IARS1: variants seen among roughly 807,000 people sequenced by gnomAD.
The protein encoded by IARS1 is isoleucine--tRNA ligase, cytoplasmic.
IARS1 carries 124 observed loss-of-function variants against 168.2 expected under a neutral mutation model. The ratio of observed to expected loss-of-function variants is 0.74; its 90% CI spans 0.64 to 0.86. The LOEUF is 0.86. Among genes scored for constraint, IARS1 ranks in the 40% least tolerant of loss-of-function variants. The probability of loss-of-function intolerance (pLI) is 0.00; values close to 1 mark genes in which losing one functional copy is unlikely to be tolerated. For synonymous variants in IARS1, 532 were observed against 529.4 expected (o/e 1.00, Z -0.07); for missense variants, 1,452 against 1,515.8 (o/e 0.96, Z 0.70).
chr9:92,245,682 T>C (rs1829081230), intron 26 of IARS1, among the ~76,000 whole-genome samples: 1 of 152,226 alleles, frequency 6.6e-6, no homozygotes, highest in Non-Finnish European at 1.5e-5. Flanking sequence ...TGTCTCTGTG[T>C]TCTGAAGATG....
At chr9:92,285,181 AC>A (rs1835242843) in intron 6 of IARS1, among the ~76,000 whole-genome samples, 1 of 152,230 alleles carries the variant, frequency 6.6e-6, no homozygotes, top group Admixed American at 6.5e-5. Context: ...CAGAAGACTT[AC>A]TAGTATATAA....
chr9:92,227,789 A>G (rs1360045641), intron 31 of IARS1, among the ~76,000 whole-genome samples: 1 of 149,716 alleles, frequency 6.7e-6, no homozygotes, highest in Non-Finnish European at 1.5e-5. Context: ...GCGGCCGGGA[A>G]GAGGCGCTCC....
In IARS1 at chr9:92,264,975, A is replaced by G; in HGVS notation, c.1654T>C (p.Phe552Leu). The change falls in exon 16 of 34, where the codon TTT becomes CTT. Residue 552 changes from phenylalanine (F) to leucine (L), a missense_variant. Physicochemically the swap from Phe to Leu is conservative, Grantham distance 22. Transcript: ENST00000443024. ...CCCTCGGCAATGAAATCTGCAGGAA[A>G]AGCATCCTCAAACTCCCTCTTGTTT... ...FENKREFEDA[F>L]PADFIAEGID... 6.2e-7 allele frequency: 1 copy of G among 1,614,178 alleles called. No individual in the cohort carries two copies. Among genetic ancestry groups the G allele is most frequent in the Non-Finnish European group, 8.5e-7 (1 of 1,180,018 alleles).
chr9:92,279,465 C>T (rs1193818795), intron 7 of IARS1, among the ~76,000 whole-genome samples: 2 of 152,190 alleles, frequency 1.3e-5, no homozygotes, highest in Admixed American at 1.3e-4. Flanking sequence ...CTGCAGACAC[C>T]TGAGCCAGGC....
intron 14 of IARS1, among the ~76,000 whole-genome samples, chr9:92,267,292 T>C (rs1832417873): frequency 6.6e-6 from 1 of 152,206 alleles, no homozygotes; most frequent in Non-Finnish European, 1.5e-5. Context: ...CTGCCCTTCC[T>C]GTTCAGTCCT....
chr9:92,242,286 T>C lies in IARS1; in HGVS notation c.3045A>G (p.Ala1015=), dbSNP rs754379616. The change falls in exon 29 of 34, where the codon GCA becomes GCG. Residue 1015 remains alanine (A), a synonymous_variant. Coordinates refer to ENST00000443024, the MANE Select transcript of IARS1 (RefSeq NM_002161.6). ...PTDEITVYYK[A]KSEGTYLNSV... ...TATTCAGATATGTTCCTTCAGACTT[T>C]GCTTTATAGTACACTGTGATTTCAT... The C allele has an allele frequency of 2.5e-6, 4 of 1,613,982 alleles. No individual in the cohort carries two copies. Among genetic ancestry groups the C allele is most frequent in the Admixed American group, 1.7e-5 (1 of 60,014 alleles).
intron 27 of IARS1, 59 bp downstream of exon 27, chr9:92,244,900 T>G: frequency 7.3e-7 from 1 of 1,372,972 alleles, no homozygotes; most frequent in East Asian, 2.3e-5. Flanking sequence ...AGGCAAATAC[T>G]TTCTCCTCTT....
chr9:92,263,651 T>C (rs1008448693), intron 16 of IARS1, among the ~76,000 whole-genome samples: 5 of 152,228 alleles, frequency 3.3e-5, no homozygotes, highest in East Asian at 3.9e-4. Context: ...CCAGACCCCA[T>C]AGTTAACATA....
chr9:92,262,629 G>A (rs781518897), intron 17 of IARS1, among the ~76,000 whole-genome samples: 27 of 152,050 alleles, frequency 1.8e-4, no homozygotes, highest in South Asian at 4.2e-4. Context: ...CAGCTTCCTC[G>A]TGTGTTAAAA....
At chr9:92,277,570 C>T (rs181183815) in intron 9 of IARS1, among the ~76,000 whole-genome samples, 121 of 151,694 alleles carry the variant, frequency 8.0e-4, no homozygotes, top group Middle Eastern at 3.4e-3. Context: ...CCCAGCTACT[C>T]GGGATGGGGC....
At chr9:92,224,325 A>G (rs1825290941) in intron 31 of IARS1, among the ~76,000 whole-genome samples, 1 of 152,178 alleles carries the variant, frequency 6.6e-6, no homozygotes, top group African/African-American at 2.4e-5. Context: ...AATCCTCCCA[A>G]TGGGCACAGC....
intron 31 of IARS1, among the ~76,000 whole-genome samples, chr9:92,228,109 G>A (rs550510688): frequency 7.9e-5 from 12 of 152,304 alleles, no homozygotes; most frequent in East Asian, 1.9e-4. Flanking sequence ...CAAGGCTGGC[G>A]GATCACTGGC....
In IARS1 at chr9:92,210,611, T is replaced by G. The variant is rs941605800; in HGVS notation, c.*196A>C. On this transcript the variant is annotated 3_prime_UTR_variant, in exon 34 of 34. Transcript: ENST00000443024. ...ACATGACTGCATAGGTGTCTAAGGT[T>G]AAGTGTGAAGATTACTGTGAGGTCT... The G allele has an allele frequency of 1.9e-6, 1 of 531,428 alleles. No individual in the cohort carries two copies. Among genetic ancestry groups the G allele is most frequent in the African/African-American group, 1.9e-5 (1 of 52,602 alleles). 32.9% of individuals were successfully genotyped at this position (531,428 alleles called of 1,614,324 possible). A position where few individuals can be genotyped will look rare whatever the true frequency, so the allele number is the denominator to read the frequency against.
intron 30 of IARS1, among the ~76,000 whole-genome samples, chr9:92,237,841 AG>A (rs1336191469): frequency 1.3e-5 from 2 of 152,196 alleles, no homozygotes; most frequent in African/African-American, 2.4e-5. Context: ...TCATTATATT[AG>A]AAGTTTGTTA....
In IARS1 at chr9:92,254,941, G is replaced by A. The variant is rs112485571; in HGVS notation, c.2138-1488C>T. 3.9e-5 allele frequency among the ~76,000 whole-genome samples: 6 copies of A among 152,334 alleles called. 1 individual carries two copies. The highest frequency in any genetic ancestry group is 1.4e-4 in the African/African-American group (6 of 41,586). Reference sequence around the variant, plus strand: ...GCCAGAATGCGCATCTCCAGACCCAGCTTCACAGGAGGTCATGGCAGCTGG... The same window carrying A: ...GCCAGAATGCGCATCTCCAGACCCAACTTCACAGGAGGTCATGGCAGCTGG... On this transcript the variant is annotated intron_variant, in intron 20 of 33. Coordinates refer to ENST00000443024, the MANE Select transcript of IARS1 (RefSeq NM_002161.6).
intron 17 of IARS1, among the ~76,000 whole-genome samples, chr9:92,261,016 T>G (rs1459462307): frequency 1.3e-5 from 2 of 152,004 alleles, no homozygotes. Flanking sequence ...TATGTGGATT[T>G]AAAAAAAGCC....
intron 32 of IARS1, 56 bp from the exon 33 acceptor site, chr9:92,222,728 A>G (rs1244987521): frequency 1.9e-6 from 3 of 1,592,398 alleles, no homozygotes; most frequent in East Asian, 2.2e-5. Flanking sequence ...TCTAGCTCCA[A>G]AAGAGGTGGC....
chr9:92,277,050 T>G (rs541962232), intron 9 of IARS1, among the ~76,000 whole-genome samples: 1 of 152,174 alleles, frequency 6.6e-6, no homozygotes, highest in East Asian at 1.9e-4. Context: ...CTTAACTTTG[T>G]CAAAACAAAC....
At chr9:92,253,924 A>G in intron 20 of IARS1, 1 of 453,916 alleles carries the variant, frequency 2.2e-6, no homozygotes, top group Non-Finnish European at 4.4e-6. Flanking sequence ...AACAAAAGCA[A>G]TTTTATCCCA....
Sources: allele counts gnomAD v4.1 joint callset (sites outside exome capture counted in the v4.1 genomes callset), GRCh38; gene constraint gnomAD v4.1.1; transcripts MANE v1.5; gene names NCBI Gene and HGNC (gene_info 2026-07-23, HGNC 2026-07-21).